Variants in PRKG1 observed in about 807,000 individuals in gnomAD.
PRKG1 encodes cGMP-dependent protein kinase 1.
In PRKG1, 35 loss-of-function variants were observed where a neutral mutation model predicts 88.1. The observed-to-expected ratio is 0.40, with a 90% confidence interval of 0.30 to 0.53. The LOEUF (loss-of-function observed/expected upper bound fraction) is 0.53, where lower values mean the gene tolerates loss of function less well. Among genes scored for constraint, PRKG1 ranks in the 20% least tolerant of loss-of-function variants. The pLI is 0.59. For missense variants in PRKG1, 540 were observed against 839.8 expected, an observed-to-expected ratio of 0.64 and a Z score of 4.41; for synonymous variants, 303 against 292.5, an observed-to-expected ratio of 1.04 and a Z score of -0.37.
rs57320165 is a variant in PRKG1, at chr10:51,899,671, G to GTATATATATATATATATATATATA, written c.699-7835_699-7812dup. 2.6e-3 allele frequency among the ~76,000 whole-genome samples: 313 copies of GTATATATATATATATATATATATA among 120,196 alleles called. 2 individuals are homozygous for GTATATATATATATATATATATATA. The highest frequency in any genetic ancestry group is 3.3e-3 in the Non-Finnish European group (191 of 57,088). The allele number at this position is 120,196 out of a possible 152,430, so 78.9% of individuals were successfully genotyped here. On this transcript the variant is annotated intron_variant, in intron 4 of 17. Coordinates refer to ENST00000373980, the MANE Select transcript of PRKG1 (RefSeq NM_006258.4). ...AGAGTCTGTCAAAAAAAAGAAAAAT[G>GTATATATATATATATATATATATA]TATATATATATATATATATATATAC...
chr10:51,724,157 C>T (rs1246132883), intron 3 of PRKG1, among the ~76,000 whole-genome samples: 2 of 152,082 alleles, frequency 1.3e-5, no homozygotes, highest in Non-Finnish European at 2.9e-5. Context: ...TCTCCCCTGC[C>T]AAATTATTCA....
rs1016996981 is a variant in PRKG1, at chr10:51,670,649, T to A, written c.593-133936T>A. On this transcript the variant is annotated intron_variant, in intron 3 of 17. Transcript: ENST00000373980. Reference sequence around the variant, plus strand: ...TACTTGGGAGGCTGAGGCAGGAGAATGGCGTGAACCCGGGAGGCAGAGCTT... The same window carrying A: ...TACTTGGGAGGCTGAGGCAGGAGAAAGGCGTGAACCCGGGAGGCAGAGCTT... Among the ~76,000 whole-genome samples the A allele has an allele frequency of 1.4e-4, 21 of 147,730 alleles. 1 individual carries two copies. The East Asian group carries it at 3.5e-3, about 25-fold the overall frequency.
intron 5 of PRKG1, chr10:51,910,397 A>C (rs1406676027): frequency 6.6e-6 from 1 of 152,210 alleles, no homozygotes; most frequent in Non-Finnish European, 1.5e-5. Context: ...ACATTTCAAA[A>C]GGATGGTTCC....
At chr10:52,192,058 C>A (rs1450603382) in intron 9 of PRKG1, among the ~76,000 whole-genome samples, 2 of 152,140 alleles carry the variant, frequency 1.3e-5, no homozygotes, top group Non-Finnish European at 2.9e-5. Context: ...CTTTTGGTGA[C>A]AAATCAGATT....
intron 9 of PRKG1, among the ~76,000 whole-genome samples, chr10:52,171,104 T>C (rs1838658268): frequency 6.6e-6 from 1 of 151,304 alleles, no homozygotes; most frequent in South Asian, 2.1e-4. Flanking sequence ...TGACTGAAAT[T>C]TGGGGCTATC....
chr10:51,540,100 C>T (rs1319317587), intron 3 of PRKG1, among the ~76,000 whole-genome samples: 1 of 152,098 alleles, frequency 6.6e-6, no homozygotes, highest in Non-Finnish European at 1.5e-5. Flanking sequence ...TCTGCTATAA[C>T]TGTAGGCATT....
At chr10:51,120,018 G>A (rs1321260467) in intron 1 of PRKG1, among the ~76,000 whole-genome samples, 2 of 151,996 alleles carry the variant, frequency 1.3e-5, no homozygotes, top group Non-Finnish European at 2.9e-5. Context: ...TGCCAATAAG[G>A]CCTTACTTTC....
intron 2 of PRKG1, among the ~76,000 whole-genome samples, chr10:51,327,416 CAAA>C (rs778963198): frequency 5.0e-5 from 4 of 80,092 alleles, no homozygotes; most frequent in African/African-American, 8.6e-5. Context: ...GACTCAATCT[CAAA>C]AAAAAAAAAA....
At chr10:52,144,801 A>G (rs570337058) in intron 8 of PRKG1, among the ~76,000 whole-genome samples, 2 of 152,282 alleles carry the variant, frequency 1.3e-5, no homozygotes, top group Admixed American at 1.3e-4. Flanking sequence ...TGGGCGACCG[A>G]GCAGACTCTG....
At position 51,538,565 on chromosome 10, in the gene PRKG1, T is replaced by C. The variant is rs562060044; in HGVS notation, c.592+70729T>C. On this transcript the variant is annotated intron_variant, in intron 3 of 17. Transcript: ENST00000373980. ...GTTTGATTTTTAAATTAACGGGCTGTTATAGAGGACAAAAAAGATGATGAA... is the reference window on the plus strand; with the variant it reads ...GTTTGATTTTTAAATTAACGGGCTGCTATAGAGGACAAAAAAGATGATGAA... Among the ~76,000 whole-genome samples, 4 of 150,882 alleles carry C rather than the reference T, an allele frequency of 2.7e-5. No individual in the cohort carries two copies. In the South Asian group the frequency reaches 8.3e-4, roughly 31 times the overall value.
chr10:52,068,849 T>A lies in PRKG1; in HGVS notation c.935+6218T>A, dbSNP rs139563300. On this transcript the variant is annotated intron_variant, in intron 7 of 17. Coordinates refer to ENST00000373980, the MANE Select transcript of PRKG1 (RefSeq NM_006258.4). ...AAACTAAGCCAATTGAACTAGGTGA[T>A]CTTTAAGTTTCGTTAGGTCATAGCT... Among the ~76,000 whole-genome samples the A allele has an allele frequency of 1.3e-5, 2 of 152,316 alleles. 1 individual carries two copies. The highest frequency in any genetic ancestry group is 2.9e-5 in the Non-Finnish European group (2 of 68,032).
chr10:51,865,418 C>T (rs935348687), intron 4 of PRKG1, among the ~76,000 whole-genome samples: 14 of 151,654 alleles, frequency 9.2e-5, no homozygotes, highest in South Asian at 4.2e-4. Flanking sequence ...TCTTTCTATG[C>T]GTACTATTCT....
chr10:51,042,396 T>C (rs1399644854), intron 1 of PRKG1, among the ~76,000 whole-genome samples: 2 of 152,114 alleles, frequency 1.3e-5, no homozygotes, highest in Non-Finnish European at 2.9e-5. Flanking sequence ...TGACCTATTA[T>C]GTACTTTAAG....
chr10:51,960,405 A>G (rs982173572), intron 5 of PRKG1, among the ~76,000 whole-genome samples: 5 of 152,260 alleles, frequency 3.3e-5, no homozygotes, highest in South Asian at 2.1e-4. Flanking sequence ...AAATAGTTGC[A>G]TAACTTATAT....
chr10:51,836,957 A>G (rs974218612), intron 4 of PRKG1, among the ~76,000 whole-genome samples: 1 of 152,168 alleles, frequency 6.6e-6, no homozygotes, highest in African/African-American at 2.4e-5. Context: ...TGAATGCACA[A>G]TTACAGGTAT....
At chr10:52,210,472 C>T (rs531388228) in intron 9 of PRKG1, among the ~76,000 whole-genome samples, 1 of 152,238 alleles carries the variant, frequency 6.6e-6, no homozygotes, top group African/African-American at 2.4e-5. Flanking sequence ...ACACCCTATG[C>T]AATCATAGAA....
intron 3 of PRKG1, among the ~76,000 whole-genome samples, chr10:51,627,982 TTCTTTCTTTCTCTCTCTCTCTCTCTC>T (rs1839397348): frequency 5.9e-5 from 2 of 34,026 alleles, no homozygotes; most frequent in African/African-American, 9.9e-5. Flanking sequence ...CTTTCTTTCT[TTCTTTCTTTCTCTCTCTCTCTCTCTC>T]TCTTTCTTTC....
intron 1 of PRKG1, among the ~76,000 whole-genome samples, chr10:51,108,918 T>A (rs1268183899): frequency 6.6e-6 from 1 of 152,162 alleles, no homozygotes; most frequent in Non-Finnish European, 1.5e-5. Flanking sequence ...TTTAGTAAGA[T>A]GCAGGATACT....
chr10:51,426,980 C>CTGGT (rs1480895164), intron 2 of PRKG1, among the ~76,000 whole-genome samples: 1 of 152,020 alleles, frequency 6.6e-6, no homozygotes, highest in Non-Finnish European at 1.5e-5. Flanking sequence ...CAAGGTTTGT[C>CTGGT]TGGTTGGTTG....
Sources: allele counts gnomAD v4.1 joint callset (sites outside exome capture counted in the v4.1 genomes callset), GRCh38; gene constraint gnomAD v4.1.1; transcripts MANE v1.5; gene names NCBI Gene and HGNC (gene_info 2026-07-23, HGNC 2026-07-21).